The following ERCC8 variants were observed in gnomAD, a reference collection of about 807,000 sequenced individuals.
ERCC8 encodes ERCC excision repair 8, CSA ubiquitin ligase complex subunit, also known as DNA excision repair protein ERCC-8.
A neutral mutation model predicts 54.9 loss-of-function variants in ERCC8; 52 were observed. That is an observed-to-expected ratio of 0.95 (90% CI 0.76 to 1.19). ERCC8 has a LOEUF of 1.19. Ranked by LOEUF, ERCC8 falls within the 50% of genes most tolerant of loss-of-function variation. ERCC8 has a pLI of 0.00. For synonymous variants in ERCC8, 146 were observed against 157.2 expected, an observed-to-expected ratio of 0.93 and a Z score of 0.53; for missense variants, 514 against 466.1, an observed-to-expected ratio of 1.10 and a Z score of -0.95.
At chr5:60,892,591 C>G in intron 9 of ERCC8, 1 of 671,432 alleles carries the variant, frequency 1.5e-6, no homozygotes. Flanking sequence ...AGAAAGTGCT[C>G]AGTAGTCTGG....
chr5:60,928,224 T>C (rs1368975294), intron 2 of ERCC8, among the ~76,000 whole-genome samples: 1 of 152,226 alleles, frequency 6.6e-6, no homozygotes, highest in African/African-American at 2.4e-5. Context: ...TTTTGGCTGC[T>C]GTGTAGAGAC....
In ERCC8 at chr5:60,904,684, A is replaced by G; in HGVS notation, c.481+108T>C. 1.2e-5 allele frequency: 3 copies of G among 242,706 alleles called. No individual in the cohort carries two copies. In the South Asian group the frequency reaches 1.8e-4, roughly 15 times the overall value. 15.0% of individuals were successfully genotyped at this position (242,706 alleles called of 1,614,324 possible). On this transcript the variant is annotated intron_variant, in intron 5 of 11. Coordinates refer to ENST00000676185, the MANE Select transcript of ERCC8 (RefSeq NM_000082.4). The stretch of plus-strand genomic sequence containing the variant: ...TATATATATATATATATATATATAT[A>G]AAATTGTGATATTCCTCTGGGTTAA...
Position 60,892,919 on chromosome 5 carries a change from G to A in ERCC8, c.844-1833C>T. The stretch of plus-strand genomic sequence containing the variant: ...CTACAATGTCCATATGGATGTGGGT[G>A]CGCATTTCACCAAGGCAGCAATAGT... On this transcript the variant is annotated intron_variant, in intron 9 of 11. Transcript: ENST00000676185. 3 of 742,826 alleles carry A rather than the reference G, an allele frequency of 4.0e-6. No homozygotes were observed. The Admixed American group carries it at 5.5e-5, about 14-fold the overall frequency. 46.0% of individuals were successfully genotyped at this position (742,826 alleles called of 1,614,324 possible). A position where few individuals can be genotyped will look rare whatever the true frequency, so the allele number is the denominator to read the frequency against.
At chr5:60,940,409 C>A (rs1750223213) in intron 1 of ERCC8, among the ~76,000 whole-genome samples, 2 of 152,200 alleles carry the variant, frequency 1.3e-5, no homozygotes, top group Non-Finnish European at 2.9e-5. Context: ...CCTCTCTTCT[C>A]ACTTCTGAGC....
intron 9 of ERCC8, among the ~76,000 whole-genome samples, chr5:60,895,552 T>C (rs762640246): frequency 7.2e-5 from 11 of 152,134 alleles, no homozygotes; most frequent in Admixed American, 2.0e-4. Context: ...AAAAAGCAAA[T>C]GAAATAATCC....
Position 60,874,778 on chromosome 5 carries a change from T to C in ERCC8, c.1123-95A>G, listed in dbSNP as rs4647150. The C allele has an allele frequency of 0.43, 432,512 of 1,007,978 alleles. 96,741 individuals are homozygous for C. The highest frequency in any genetic ancestry group is 0.8 in the East Asian group (30,771 of 38,660). 62.4% of individuals were successfully genotyped at this position (1,007,978 alleles called of 1,614,324 possible). On this transcript the variant is annotated intron_variant, in intron 11 of 11. Transcript: ENST00000676185. Reference sequence around the variant, plus strand: ...AAAGTTATGAAATATATCAGATAAATAGCAATTACATTATTTTGGAAGAAA... The same window carrying C: ...AAAGTTATGAAATATATCAGATAAACAGCAATTACATTATTTTGGAAGAAA...
chr5:60,930,063 T>C (rs1015051332), intron 1 of ERCC8, among the ~76,000 whole-genome samples: 18 of 152,362 alleles, frequency 1.2e-4, no homozygotes, highest in Admixed American at 1.0e-3. Flanking sequence ...TTGGAAATCA[T>C]TTTAGCAGTA....
At chr5:60,886,748 AAAAAG>A (rs879258291) in intron 11 of ERCC8, among the ~76,000 whole-genome samples, 62 of 151,436 alleles carry the variant, frequency 4.1e-4, no homozygotes, top group Non-Finnish European at 7.4e-4. Context: ...ATAAAAATAG[AAAAAG>A]AAAAGAAAAG....
rs142431216 is a variant in ERCC8 at position 60,890,252 on chromosome 5, C to T, written c.1041+637G>A. ...GTTCATTCTATCAGTATTTAACTTA[C>T]GTGAGTTTCATTTTCCTTACCTACA... On this transcript the variant is annotated intron_variant, in intron 10 of 11. Transcript: ENST00000676185. 5.9e-5 allele frequency among the ~76,000 whole-genome samples: 9 copies of T among 152,240 alleles called. No homozygotes were observed. The East Asian group carries it at 1.5e-3, about 26-fold the overall frequency.
intron 1 of ERCC8, among the ~76,000 whole-genome samples, chr5:60,943,146 C>T (rs1370518807): frequency 6.6e-6 from 1 of 151,934 alleles, no homozygotes; most frequent in Non-Finnish European, 1.5e-5. Flanking sequence ...GGGCACATGT[C>T]TGTGGTCCCA....
chr5:60,922,149 T>A lies in ERCC8; in HGVS notation c.180A>T (p.Leu60Phe). Residue 60 changes from leucine to phenylalanine, a missense_variant, in exon 3 of 12, where the codon TTA (leucine) becomes TTT (phenylalanine). By Grantham distance (22) the Leu-to-Phe change is conservative. Transcript: ENST00000676185. ...CAATCACACCATCTGAACCACCTGA[T>A]AACATGCTGATAATAAAAAAGTTCA... Reference protein sequence around the residue: ...DIEPVEGRYMLSGGSDGVIVL... With the variant: ...DIEPVEGRYMFSGGSDGVIVL... 1 of 1,595,364 alleles carries A rather than the reference T, an allele frequency of 6.3e-7. No homozygotes were observed. The highest frequency in any genetic ancestry group is 8.6e-7 in the Non-Finnish European group (1 of 1,164,514).
intron 9 of ERCC8, among the ~76,000 whole-genome samples, chr5:60,896,898 C>A (rs990909280): frequency 2.0e-5 from 3 of 152,140 alleles, no homozygotes; most frequent in Admixed American, 6.5e-5. Flanking sequence ...CCCAGCTACT[C>A]TTCCAGAGTG....
intron 1 of ERCC8, among the ~76,000 whole-genome samples, chr5:60,939,006 CTTTA>C (rs765217473): frequency 4.6e-5 from 7 of 152,006 alleles, no homozygotes; most frequent in African/African-American, 9.7e-5. Flanking sequence ...CAGCTTTTAG[CTTTA>C]TTTGTTTTAA....
chr5:60,872,934 T>A lies in ERCC8; in HGVS notation c.*1681A>T, dbSNP rs943466567. On this transcript the variant is annotated 3_prime_UTR_variant, in exon 12 of 12. Coordinates refer to ENST00000676185, the MANE Select transcript of ERCC8 (RefSeq NM_000082.4). ...ACCTAAGCATCTGTCAATGGTTGAA[T>A]GGATAAAGAAAATGTAGTACATATA... 6.6e-6 allele frequency among the ~76,000 whole-genome samples: 1 copy of A among 152,174 alleles called. No individual in the cohort carries two copies. The highest frequency in any genetic ancestry group is 1.5e-5 in the Non-Finnish European group (1 of 68,030).
At chr5:60,900,747 C>T (rs1748879671) in intron 7 of ERCC8, 1 of 151,998 alleles carries the variant, frequency 6.6e-6, no homozygotes, top group Admixed American at 6.6e-5. Context: ...TTGAACATAT[C>T]CAACTTTTAA....
chr5:60,902,333 A>C lies in ERCC8; in HGVS notation c.617+109T>G, dbSNP rs551788943. On this transcript the variant is annotated intron_variant, in intron 7 of 11. Coordinates refer to ENST00000676185, the MANE Select transcript of ERCC8 (RefSeq NM_000082.4). Reference sequence around the variant, plus strand: ...CTAAGTCAATACTTCATTTTAAAGGAGTGAATTAATAATTAAATATGCTAA... The same window carrying C: ...CTAAGTCAATACTTCATTTTAAAGGCGTGAATTAATAATTAAATATGCTAA... The C allele has an allele frequency of 3.4e-5, 27 of 796,802 alleles. No individual in the cohort carries two copies. The African/African-American group carries it at 4.2e-4, about 12-fold the overall frequency. 49.4% of individuals were successfully genotyped at this position (796,802 alleles called of 1,614,324 possible).
intron 2 of ERCC8, among the ~76,000 whole-genome samples, chr5:60,924,665 C>T (rs1283335832): frequency 6.6e-6 from 1 of 152,084 alleles, no homozygotes; most frequent in African/African-American, 2.4e-5. Flanking sequence ...TTGGGAACTT[C>T]TATCATATGT....
chr5:60,892,134 C>A, intron 9 of ERCC8: 1 of 491,992 alleles, frequency 2.0e-6, no homozygotes. Flanking sequence ...ACACATCCAC[C>A]TTACTGTTTT....
intron 10 of ERCC8, among the ~76,000 whole-genome samples, chr5:60,889,596 C>T (rs1748488683): frequency 6.6e-6 from 1 of 152,186 alleles, no homozygotes; most frequent in South Asian, 2.1e-4. Context: ...CCACTGTGCG[C>T]AGCCATTGTC....
Sources: gnomAD v4.1 joint callset for allele counts (sites outside exome capture counted in the v4.1 genomes callset) on GRCh38, gnomAD v4.1.1 for gene constraint, MANE v1.5 for transcripts, NCBI Gene and HGNC (gene_info 2026-07-23, HGNC 2026-07-21) for gene names.